The following SIK3 variants were observed in gnomAD, a reference collection of about 807,000 sequenced individuals.
The protein encoded by SIK3 is SIK family kinase 3, also known as serine/threonine-protein kinase SIK3.
Under a neutral mutation model 144.2 loss-of-function variants are expected in SIK3, and 28 were observed. The observed-to-expected ratio is 0.19, with a 90% CI of 0.14 to 0.27. SIK3 has a LOEUF of 0.27. Ranked by LOEUF, SIK3 falls within the 10% of genes least tolerant of loss-of-function variation. SIK3 has a pLI of 1.00. For synonymous variants in SIK3, 686 were observed against 676.3 expected, an observed-to-expected ratio of 1.01 and a Z score of -0.22; for missense variants, 1,319 against 1,776.0, an observed-to-expected ratio of 0.74 and a Z score of 4.62.
intron 6 of SIK3, among the ~76,000 whole-genome samples, chr11:116,884,271 C>T (rs1330321868): frequency 1.3e-5 from 2 of 151,378 alleles, no homozygotes; most frequent in Non-Finnish European, 2.9e-5. Context: ...ACTGTAGCCT[C>T]GAACCCCTGG....
At chr11:116,969,679 G>A (rs1159691773) in intron 1 of SIK3, among the ~76,000 whole-genome samples, 1 of 152,170 alleles carries the variant, frequency 6.6e-6, no homozygotes, top group Non-Finnish European at 1.5e-5. Context: ...CAGAGTGTAG[G>A]AAGGATATAA....
Position 116,844,187 on chromosome 11 carries a change from G to A in SIK3, c.*1456C>T, listed in dbSNP as rs1355364953. 2 of 152,136 alleles carry A rather than the reference G, an allele frequency of 1.3e-5. No homozygotes were observed. Among genetic ancestry groups the A allele is most frequent in the Non-Finnish European group, 2.9e-5 (2 of 68,044 alleles). 9.4% of individuals were successfully genotyped at this position (152,136 alleles called of 1,614,324 possible). Reference sequence around the variant, plus strand: ...GAAGACTTTGGTTTCTAACAATGAAGAGAAATAAAGATAACACAAATAATA... The same window carrying A: ...GAAGACTTTGGTTTCTAACAATGAAAAGAAATAAAGATAACACAAATAATA... On this transcript the variant is annotated 3_prime_UTR_variant, in exon 25 of 25. Transcript: ENST00000445177.
At chr11:116,850,756 C>T (rs957666904) in intron 21 of SIK3, among the ~76,000 whole-genome samples, 9 of 152,206 alleles carry the variant, frequency 5.9e-5, no homozygotes, top group African/African-American at 2.2e-4. Flanking sequence ...TGCGTGTAAT[C>T]CCAGCATTTT....
At chr11:117,012,158 T>C (rs971790371) in intron 1 of SIK3, among the ~76,000 whole-genome samples, 1 of 152,112 alleles carries the variant, frequency 6.6e-6, no homozygotes, top group Admixed American at 6.6e-5. Flanking sequence ...TATTTCTTTG[T>C]AGAGGCAGGG....
intron 1 of SIK3, among the ~76,000 whole-genome samples, chr11:116,976,471 T>C (rs1462999487): frequency 6.6e-6 from 1 of 152,272 alleles, no homozygotes; most frequent in African/African-American, 2.4e-5. Context: ...CAGCACTGTT[T>C]GGTGAAAAGA....
chr11:117,031,997 T>C (rs188771694), intron 1 of SIK3, among the ~76,000 whole-genome samples: 42 of 152,290 alleles, frequency 2.8e-4, no homozygotes, highest in Non-Finnish European at 5.4e-4. Context: ...TAGGTCTCTA[T>C]TCTGTTATTC....
chr11:117,013,899 A>AGGGGGG (rs71037440), intron 1 of SIK3, among the ~76,000 whole-genome samples: 4 of 26,652 alleles, frequency 1.5e-4, no homozygotes, highest in Non-Finnish European at 2.1e-4. Context: ...CCAGATTCTG[A>AGGGGGG]GGGGGGGGGG....
Position 116,935,252 on chromosome 11 carries a change from C to T in SIK3, c.455-7872G>A, listed in dbSNP as rs1417472189. Among the ~76,000 whole-genome samples, 5 of 151,778 alleles carry T rather than the reference C, an allele frequency of 3.3e-5. No individual in the cohort carries two copies. In the South Asian group the frequency reaches 1.0e-3, roughly 32 times the overall value. On this transcript the variant is annotated intron_variant, in intron 3 of 24. Coordinates refer to ENST00000445177, the MANE Select transcript of SIK3 (RefSeq NM_001366686.3). The stretch of plus-strand genomic sequence containing the variant: ...AACAGGGCAAGACCCTATCTTTAAA[C>T]TATTATTAATAATGATAAATTATTA...
Position 116,877,000 on chromosome 11 carries a change from T to C in SIK3, c.908A>G (p.Asn303Ser), listed in dbSNP as rs1173553846. 9 of 1,614,026 alleles carry C rather than the reference T, an allele frequency of 5.6e-6. No individual in the cohort carries two copies. The highest frequency in any genetic ancestry group is 1.6e-4 in the Middle Eastern group (1 of 6,084). Residue 303 changes from asparagine (N) to serine (S), a missense_variant, in exon 7 of 25, where the codon AAT becomes AGT. Physicochemically the swap from Asn to Ser is conservative, Grantham distance 46. Coordinates refer to ENST00000445177, the MANE Select transcript of SIK3 (RefSeq NM_001366686.3). ...GATCTGCTCCATGGAGAGGCGCTTA[T>C]TGGGATCTAACACCAACATATGGCG... is the stretch of plus-strand genomic sequence containing the variant. ...LIRHMLVLDPNKRLSMEQICK... is the reference protein window; with the variant it reads ...LIRHMLVLDPSKRLSMEQICK...
chr11:116,987,951 G>A (rs1950376217), intron 1 of SIK3, among the ~76,000 whole-genome samples: 1 of 152,160 alleles, frequency 6.6e-6, no homozygotes, highest in African/African-American at 2.4e-5. Context: ...ACTTCATGAG[G>A]TATGTAAAGG....
At chr11:116,962,779 A>T (rs1177898316) in intron 1 of SIK3, among the ~76,000 whole-genome samples, 1 of 152,228 alleles carries the variant, frequency 6.6e-6, no homozygotes, top group East Asian at 1.9e-4. Flanking sequence ...TAATATAAAA[A>T]AGAATTAAAC....
intron 4 of SIK3, among the ~76,000 whole-genome samples, chr11:116,900,077 T>G (rs1217925825): frequency 6.6e-6 from 1 of 152,194 alleles, no homozygotes; most frequent in South Asian, 2.1e-4. Context: ...CAAATTTATA[T>G]GTCTGGCCCT....
Position 116,859,406 on chromosome 11 carries a change from C to T in SIK3, c.2624G>A (p.Gly875Asp), listed in dbSNP as rs1368956468. 3.1e-6 allele frequency: 5 copies of T among 1,614,228 alleles called. No individual in the cohort carries two copies. The highest frequency in any genetic ancestry group is 4.2e-6 in the Non-Finnish European group (5 of 1,180,052). Residue 875 changes from glycine to aspartate, a missense_variant, in exon 20 of 25, where the codon GGC (glycine) becomes GAC (aspartate). Physicochemically the swap from Gly to Asp is moderately conservative, Grantham distance 94. Coordinates refer to ENST00000445177, the MANE Select transcript of SIK3 (RefSeq NM_001366686.3). The part of the protein sequence containing the change: ...MLSNMPGTAA[G>D]SSGRGISISP... ...GATGGAGATGCCGCGCCCACTGGAG[C>T]CTGCAGCTGTGCCTGGCATGTTGCT...
At chr11:117,026,126 G>GT (rs1443598523) in intron 1 of SIK3, among the ~76,000 whole-genome samples, 2 of 152,200 alleles carry the variant, frequency 1.3e-5, no homozygotes, top group African/African-American at 4.8e-5. Flanking sequence ...CAGAGGTCCT[G>GT]TAAGATGATA....
At chr11:117,018,400 A>G (rs1272502289) in intron 1 of SIK3, among the ~76,000 whole-genome samples, 1 of 152,232 alleles carries the variant, frequency 6.6e-6, no homozygotes, top group Non-Finnish European at 1.5e-5. Flanking sequence ...GCTCTACAAC[A>G]GCATTCACTA....
At position 117,098,249 on chromosome 11, in the gene SIK3, C is replaced by CGGGAGGCCGGGGCTGGGGGACGCGGCT. The variant is rs1340142966; in HGVS notation, c.140_166dup (p.Gln47_Ser55dup). 31 of 1,453,054 alleles carry CGGGAGGCCGGGGCTGGGGGACGCGGCT rather than the reference C, an allele frequency of 2.1e-5. No homozygotes were observed. Among genetic ancestry groups the CGGGAGGCCGGGGCTGGGGGACGCGGCT allele is most frequent in the Non-Finnish European group, 2.7e-5 (30 of 1,098,086 alleles). 90.0% of individuals were successfully genotyped at this position (1,453,054 alleles called of 1,614,324 possible). A position where few individuals can be genotyped will look rare whatever the true frequency, so the allele number is the denominator to read the frequency against. On this transcript the variant is annotated inframe_insertion, in exon 1 of 25. Transcript: ENST00000445177. ...GCCGATACGGGCGGGCATGGGTCCG[C>CGGGAGGCCGGGGCTGGGGGACGCGGCT]GGGAGGCCGGGGCTGGGGGACGCGG...
rs767464718 is a variant in SIK3 at position 116,873,683 on chromosome 11, G to A, written c.1582-47C>T. 2.6e-6 allele frequency: 4 copies of A among 1,519,304 alleles called. No individual in the cohort carries two copies. The African/African-American group carries it at 5.6e-5, about 21-fold the overall frequency. 94.1% of individuals were successfully genotyped at this position (1,519,304 alleles called of 1,614,324 possible). ...GGACGGACCATGAGATGAGGGGAAG[G>A]CGGGGAGAAAGGGGCAAGCCACTCA... On this transcript the variant is annotated intron_variant, in intron 12 of 24. Coordinates refer to ENST00000445177, the MANE Select transcript of SIK3 (RefSeq NM_001366686.3).
rs1032338581 is a variant in SIK3, at chr11:116,863,376, G to C, written c.2103+292C>G. The stretch of plus-strand genomic sequence containing the variant: ...AGTGATCCTCCCATCTCAGCCTCAG[G>C]AGTAGCTGGGACTATGCTAATTTTT... On this transcript the variant is annotated intron_variant, in intron 16 of 24. Transcript: ENST00000445177. Among the ~76,000 whole-genome samples the C allele has an allele frequency of 4.6e-5, 7 of 152,082 alleles. No individual in the cohort carries two copies. In the East Asian group the frequency reaches 1.4e-3, roughly 29 times the overall value.
At chr11:116,909,851 G>A (rs75188049) in intron 4 of SIK3, among the ~76,000 whole-genome samples, 3,758 of 152,314 alleles carry the variant, frequency 0.025, 85 homozygotes, top group South Asian at 0.11. Context: ...AACTCAGAGT[G>A]TAGGAACTGG....
Sources: gnomAD v4.1 joint callset for allele counts (sites outside exome capture counted in the v4.1 genomes callset) on GRCh38, gnomAD v4.1.1 for gene constraint, MANE v1.5 for transcripts, NCBI Gene and HGNC (gene_info 2026-07-23, HGNC 2026-07-21) for gene names.